Variants in PPFIA2 observed in about 807,000 individuals in gnomAD.
PPFIA2 encodes the protein liprin-alpha-2.
PPFIA2 carries 46 observed loss-of-function variants against 175.5 expected under a neutral mutation model. The ratio of observed to expected loss-of-function variants is 0.26; its 90% CI spans 0.21 to 0.34. The LOEUF is 0.34. PPFIA2 is among the 10% of genes least tolerant of loss of function. The pLI, the probability that PPFIA2 is intolerant of heterozygous loss-of-function variation, is 1.00. For synonymous variants in PPFIA2, 568 were observed against 511.4 expected, an observed-to-expected ratio of 1.11 and a Z score of -1.49; for missense variants, 1,179 against 1,506.1, an observed-to-expected ratio of 0.78 and a Z score of 3.60.
At chr12:81,607,847 AG>A (rs2060487032) in intron 4 of PPFIA2, among the ~76,000 whole-genome samples, 1 of 152,094 alleles carries the variant, frequency 6.6e-6, no homozygotes, top group Admixed American at 6.6e-5. Flanking sequence ...AGGCGTGGTG[AG>A]AATGGACATC....
chr12:81,658,912 A>G (rs922395699), intron 4 of PPFIA2, among the ~76,000 whole-genome samples: 1 of 152,206 alleles, frequency 6.6e-6, no homozygotes, highest in Non-Finnish European at 1.5e-5. Context: ...AAACACTTGA[A>G]GTAAAATAAT....
intron 22 of PPFIA2, chr12:81,312,087 A>G: frequency 1.4e-6 from 2 of 1,440,362 alleles, no homozygotes; most frequent in Non-Finnish European, 1.9e-6. Context: ...CAAAAGAGTA[A>G]TACTCTGAAA....
rs570734018 is a variant in PPFIA2 at position 81,309,216 on chromosome 12, A to C, written c.2643-9834T>G. Among the ~76,000 whole-genome samples the C allele has an allele frequency of 2.0e-5, 3 of 152,268 alleles. No individual in the cohort carries two copies. The South Asian group carries it at 6.2e-4, about 32-fold the overall frequency. The stretch of plus-strand genomic sequence containing the variant: ...CAAATTTCAACCAAAGAATGGACTT[A>C]TTATTCAGGAATCCATACTTGATTA... On this transcript the variant is annotated intron_variant, in intron 22 of 32. Coordinates refer to ENST00000549396, the MANE Select transcript of PPFIA2 (RefSeq NM_003625.5).
Position 81,602,068 on chromosome 12 carries a change from T to C in PPFIA2, c.303+74723A>G, listed in dbSNP as rs1039877923. 2.2e-4 allele frequency among the ~76,000 whole-genome samples: 34 copies of C among 151,886 alleles called. 1 individual carries two copies. Among genetic ancestry groups the C allele is most frequent in the Admixed American group, 1.4e-3 (22 of 15,208 alleles). On this transcript the variant is annotated intron_variant, in intron 4 of 32. Transcript: ENST00000549396. ...CCTTAAAGTATTTTATCAGTAATAT[T>C]ATATTTTGTTGCTGCAAAAATATAT... is the stretch of plus-strand genomic sequence containing the variant.
intron 3 of PPFIA2, among the ~76,000 whole-genome samples, chr12:81,741,242 C>T (rs1388762696): frequency 1.3e-5 from 2 of 152,152 alleles, no homozygotes; most frequent in African/African-American, 4.8e-5. Flanking sequence ...ATGCTGGTCT[C>T]ATACATAATG....
intron 21 of PPFIA2, among the ~76,000 whole-genome samples, chr12:81,337,945 T>C (rs1364419171): frequency 6.6e-6 from 1 of 151,946 alleles, no homozygotes; most frequent in Non-Finnish European, 1.5e-5. Context: ...GCCTAAAGAG[T>C]TCCTCTACTG....
At chr12:81,376,214 T>C (rs1324637283) in intron 9 of PPFIA2, among the ~76,000 whole-genome samples, 1 of 152,194 alleles carries the variant, frequency 6.6e-6, no homozygotes, top group Non-Finnish European at 1.5e-5. Context: ...AGAATTGGCA[T>C]TCTTGTAAGA....
chr12:81,499,181 ACCATGC>A (rs1416809942), intron 4 of PPFIA2, among the ~76,000 whole-genome samples: 2 of 152,130 alleles, frequency 1.3e-5, no homozygotes. Context: ...CTGCCTCTGT[ACCATGC>A]CCCTGTAATG....
At chr12:81,580,465 C>A (rs2074238149) in intron 4 of PPFIA2, among the ~76,000 whole-genome samples, 2 of 151,626 alleles carry the variant, frequency 1.3e-5, no homozygotes, top group African/African-American at 4.8e-5. Context: ...TATGGTTGAA[C>A]ATCAAACAGA....
chr12:81,574,152 A>G (rs919009990), intron 4 of PPFIA2, among the ~76,000 whole-genome samples: 2 of 151,868 alleles, frequency 1.3e-5, no homozygotes, highest in Admixed American at 1.3e-4. Context: ...AGGAGAAATA[A>G]CTTTCACATT....
At chr12:81,371,776 C>T (rs2141573174) in intron 11 of PPFIA2, among the ~76,000 whole-genome samples, 1 of 151,668 alleles carries the variant, frequency 6.6e-6, no homozygotes, top group Non-Finnish European at 1.5e-5. Flanking sequence ...ACTGGGAGCC[C>T]AAAGTAATCT....
chr12:81,361,246 A>C (rs553998436), intron 15 of PPFIA2, among the ~76,000 whole-genome samples: 3 of 151,804 alleles, frequency 2.0e-5, no homozygotes, highest in African/African-American at 7.2e-5. Context: ...ATTTATTCTT[A>C]ATCAAATATA....
At chr12:81,520,685 T>C (rs1210741862) in intron 4 of PPFIA2, among the ~76,000 whole-genome samples, 1 of 152,186 alleles carries the variant, frequency 6.6e-6, no homozygotes. Flanking sequence ...GGATAGGAAG[T>C]AGTCAGTTAA....
intron 5 of PPFIA2, among the ~76,000 whole-genome samples, chr12:81,448,869 T>G: frequency 6.6e-6 from 1 of 152,218 alleles, no homozygotes; most frequent in East Asian, 1.9e-4. Context: ...CCTAGCATAT[T>G]AAAATGTTGC....
chr12:81,684,444 A>G (rs1434621451), intron 3 of PPFIA2, among the ~76,000 whole-genome samples: 2 of 152,090 alleles, frequency 1.3e-5, no homozygotes, highest in Non-Finnish European at 2.9e-5. Context: ...CCTATAGAAC[A>G]GCTTGCCACA....
chr12:81,716,073 T>G (rs1042375560), intron 3 of PPFIA2, among the ~76,000 whole-genome samples: 32 of 151,736 alleles, frequency 2.1e-4, no homozygotes, highest in African/African-American at 7.0e-4. Flanking sequence ...GTTTTAATAT[T>G]AATAGGTAAG....
At chr12:81,472,117 A>G (rs2056834172) in intron 4 of PPFIA2, among the ~76,000 whole-genome samples, 1 of 152,206 alleles carries the variant, frequency 6.6e-6, no homozygotes. Flanking sequence ...ATATTGTTGT[A>G]TGATCCTCTT....
chr12:81,385,522 A>G (rs1193019185), intron 8 of PPFIA2, among the ~76,000 whole-genome samples: 1 of 152,176 alleles, frequency 6.6e-6, no homozygotes, highest in Admixed American at 6.6e-5. Context: ...AATCCTATTC[A>G]GTTTCTAAGA....
intron 28 of PPFIA2, among the ~76,000 whole-genome samples, chr12:81,271,069 G>A (rs1248821871): frequency 6.6e-6 from 1 of 152,102 alleles, no homozygotes; most frequent in Non-Finnish European, 1.5e-5. Flanking sequence ...TATATTGAAA[G>A]TGTGTCCATT....
Sources: gnomAD v4.1 joint callset for allele counts (sites outside exome capture counted in the v4.1 genomes callset) on GRCh38, gnomAD v4.1.1 for gene constraint, MANE v1.5 for transcripts, NCBI Gene and HGNC (gene_info 2026-07-23, HGNC 2026-07-21) for gene names.